UNC13C: variants seen among roughly 807,000 people sequenced by gnomAD.
The protein encoded by UNC13C is protein unc-13 homolog C.
A neutral mutation model predicts 245.4 loss-of-function variants in UNC13C; 174 were observed. That is an observed-to-expected ratio of 0.71 (90% CI 0.63 to 0.80). UNC13C has a LOEUF of 0.80. UNC13C is among the 30% of genes least tolerant of loss of function. UNC13C has a pLI of 0.00. For missense variants in UNC13C, 2,829 were observed against 2,602.9 expected, an observed-to-expected ratio of 1.09 and a Z score of -1.89; for synonymous variants, 992 against 895.1, an observed-to-expected ratio of 1.11 and a Z score of -1.93.
chr15:54,187,827 T>C (rs2034046937), intron 4 of UNC13C, among the ~76,000 whole-genome samples: 1 of 152,116 alleles, frequency 6.6e-6, no homozygotes, highest in East Asian at 1.9e-4. Flanking sequence ...TGTTTTGTTT[T>C]GAGACAGAGT....
At chr15:54,405,907 A>G (rs1311894684) in intron 18 of UNC13C, among the ~76,000 whole-genome samples, 1 of 152,190 alleles carries the variant, frequency 6.6e-6, no homozygotes, top group African/African-American at 2.4e-5. Context: ...AGAAAAAATT[A>G]TATACATATG....
chr15:54,255,295 A>G (rs1685720449), intron 8 of UNC13C, among the ~76,000 whole-genome samples: 4 of 152,130 alleles, frequency 2.6e-5, no homozygotes. Flanking sequence ...GGCTTGGAGA[A>G]TGAGTGCAAG....
At chr15:53,887,877 A>G in the UNC13C span, among the ~76,000 whole-genome samples, 1 of 152,220 alleles carries the variant, frequency 6.6e-6, no homozygotes, top group Non-Finnish European at 1.5e-5. Flanking sequence ...TGCAAAGGAC[A>G]TGAACTCATC....
At chr15:54,471,219 TG>T (rs1892445505) in intron 19 of UNC13C, among the ~76,000 whole-genome samples, 1 of 151,498 alleles carries the variant, frequency 6.6e-6, no homozygotes, top group Non-Finnish European at 1.5e-5. Flanking sequence ...GTGTTATGTC[TG>T]TTATAGTTCA....
chr15:54,354,593 C>T (rs2039053187), intron 17 of UNC13C, among the ~76,000 whole-genome samples: 1 of 152,150 alleles, frequency 6.6e-6, no homozygotes, highest in Non-Finnish European at 1.5e-5. Flanking sequence ...ATAAAAATTA[C>T]TGGAAATGTA....
chr15:53,994,703 C>T (rs1167960316), intron 1 of UNC13C, among the ~76,000 whole-genome samples: 4 of 152,032 alleles, frequency 2.6e-5, no homozygotes, highest in African/African-American at 4.8e-5. Flanking sequence ...AGCTTGGAAG[C>T]CATGTCAATA....
intron 17 of UNC13C, among the ~76,000 whole-genome samples, chr15:54,365,399 G>A (rs1462499814): frequency 6.6e-6 from 1 of 151,984 alleles, no homozygotes; most frequent in Non-Finnish European, 1.5e-5. Context: ...CTTTGTTGAG[G>A]TATGATTGAT....
At chr15:54,297,764 A>T (rs751915643) in intron 11 of UNC13C, 47 bp from the exon 12 acceptor site, 2 of 1,377,624 alleles carry the variant, frequency 1.5e-6, no homozygotes, top group Non-Finnish European at 2.0e-6. Flanking sequence ...TATGAGAAAA[A>T]CATTATTGTC....
chr15:54,218,446 A>T (rs895575177), intron 4 of UNC13C, among the ~76,000 whole-genome samples: 2 of 151,968 alleles, frequency 1.3e-5, no homozygotes, highest in Non-Finnish European at 2.9e-5. Flanking sequence ...TTTGCTACTC[A>T]GTGAGGAGGC....
At chr15:53,927,309 G>C in the UNC13C span, among the ~76,000 whole-genome samples, 4 of 152,198 alleles carry the variant, frequency 2.6e-5, no homozygotes, top group Non-Finnish European at 4.4e-5. Context: ...TGTTTGCTAT[G>C]CAGGGAATGG....
At chr15:53,940,434 C>A in the UNC13C span, among the ~76,000 whole-genome samples, 30 of 152,184 alleles carry the variant, frequency 2.0e-4, no homozygotes, top group African/African-American at 7.0e-4. Context: ...TCCCACCATT[C>A]CTATACAACA....
chr15:54,467,352 C>A (rs1892231627), intron 19 of UNC13C, among the ~76,000 whole-genome samples: 1 of 151,588 alleles, frequency 6.6e-6, no homozygotes, highest in African/African-American at 2.4e-5. Flanking sequence ...CAAAAAAGTA[C>A]ACAAACTTGA....
At chr15:54,595,192 C>A (rs979843326) in intron 30 of UNC13C, among the ~76,000 whole-genome samples, 1 of 152,032 alleles carries the variant, frequency 6.6e-6, no homozygotes, top group African/African-American at 2.4e-5. Context: ...GATTATACTC[C>A]ACTGCTTCAA....
At chr15:53,875,399 C>CA in the UNC13C span, among the ~76,000 whole-genome samples, 56 of 152,216 alleles carry the variant, frequency 3.7e-4, no homozygotes, top group South Asian at 2.1e-3. Flanking sequence ...TCTGTATGCT[C>CA]ACTGTAGTTT....
At chr15:54,573,300 A>G (rs994021802) in intron 30 of UNC13C, among the ~76,000 whole-genome samples, 2 of 152,138 alleles carry the variant, frequency 1.3e-5, no homozygotes, top group Non-Finnish European at 2.9e-5. Flanking sequence ...TAGTAGTTAG[A>G]CAAAAAGAAA....
intron 10 of UNC13C, among the ~76,000 whole-genome samples, chr15:54,288,435 C>A (rs980263676): frequency 1.3e-5 from 2 of 151,826 alleles, no homozygotes; most frequent in Non-Finnish European, 2.9e-5. Context: ...TAAATGAGGA[C>A]CATCCCAGGA....
Position 54,270,977 on chromosome 15 carries a change from C to G in UNC13C, c.3818+5481C>G, listed in dbSNP as rs1031709171. Among the ~76,000 whole-genome samples, 9 of 152,222 alleles carry G rather than the reference C, an allele frequency of 5.9e-5. No individual in the cohort carries two copies. The East Asian group carries it at 1.7e-3, about 29-fold the overall frequency. On this transcript the variant is annotated intron_variant, in intron 10 of 32. Coordinates refer to ENST00000260323, the MANE Select transcript of UNC13C (RefSeq NM_001080534.3). ...TGAAAAGGTAGTTGAAATAATTTTT[C>G]AACTTTGGGATTTGGCCTTAATTAT...
At chr15:54,531,666 T>G (rs1895742165) in intron 25 of UNC13C, among the ~76,000 whole-genome samples, 1 of 151,986 alleles carries the variant, frequency 6.6e-6, no homozygotes, top group South Asian at 2.1e-4. Context: ...AACAACAAAT[T>G]TTATTGAAAT....
intron 17 of UNC13C, among the ~76,000 whole-genome samples, chr15:54,387,006 T>C (rs774108158): frequency 2.6e-5 from 4 of 152,184 alleles, no homozygotes; most frequent in South Asian, 2.1e-4. Flanking sequence ...TCCACATTGC[T>C]CTTCACAAGG....
Sources: gnomAD v4.1 joint callset for allele counts (sites outside exome capture counted in the v4.1 genomes callset) on GRCh38, gnomAD v4.1.1 for gene constraint, MANE v1.5 for transcripts, NCBI Gene and HGNC (gene_info 2026-07-23, HGNC 2026-07-21) for gene names.